HADH: variants seen among roughly 807,000 people sequenced by gnomAD.
The protein encoded by HADH is hydroxyacyl-coenzyme A dehydrogenase, mitochondrial.
HADH carries 24 observed loss-of-function variants against 32.2 expected under a neutral mutation model. The ratio of observed to expected loss-of-function variants is 0.75; its 90% CI spans 0.54 to 1.05. The LOEUF (loss-of-function observed/expected upper bound fraction) is 1.05, where lower values mean the gene tolerates loss of function less well. Among genes scored for constraint, HADH ranks in the 50% least tolerant of loss-of-function variants. The probability of loss-of-function intolerance (pLI) is 0.00; values close to 1 mark genes in which losing one functional copy is unlikely to be tolerated. For missense variants in HADH, 350 were observed against 397.1 expected, an observed-to-expected ratio of 0.88 and a Z score of 1.01; for synonymous variants, 139 against 152.5, an observed-to-expected ratio of 0.91 and a Z score of 0.65.
chr4:108,004,818 T>C, intron 1 of HADH: 1 of 1,535,906 alleles, frequency 6.5e-7, no homozygotes, highest in Non-Finnish European at 8.7e-7. Context: ...AAGACCTGGG[T>C]GTCTGCTGGA....
At chr4:108,003,313 C>T (rs956118823) in intron 1 of HADH, among the ~76,000 whole-genome samples, 2 of 152,088 alleles carry the variant, frequency 1.3e-5, no homozygotes, top group Non-Finnish European at 2.9e-5. Flanking sequence ...GAAAGCTAGA[C>T]GAACTTTCTC....
At chr4:108,001,099 T>G (rs1735108172) in intron 1 of HADH, among the ~76,000 whole-genome samples, 1 of 152,216 alleles carries the variant, frequency 6.6e-6, no homozygotes, top group African/African-American at 2.4e-5. Context: ...GGAAAAAGGC[T>G]TCATGGAGAG....
intron 1 of HADH, among the ~76,000 whole-genome samples, chr4:108,000,907 G>A (rs911647338): frequency 4.6e-5 from 7 of 152,176 alleles, no homozygotes; most frequent in South Asian, 2.1e-4. Context: ...TCATATTCAA[G>A]GCATGTGATA....
At chr4:108,009,650 T>C in intron 1 of HADH, 109 bp from the exon 2 acceptor site, 1 of 854,640 alleles carries the variant, frequency 1.2e-6, no homozygotes, top group Non-Finnish European at 2.0e-6. Context: ...GGAATGGTAG[T>C]AGAATTCATG....
chr4:108,023,546 C>T lies in HADH; in HGVS notation c.619C>T (p.His207Tyr). The T allele has an allele frequency of 6.2e-7, 1 of 1,601,432 alleles. No individual in the cohort carries two copies. The highest frequency in any genetic ancestry group is 8.6e-7 in the Non-Finnish European group (1 of 1,168,394). Residue 207 changes from histidine (H) to tyrosine (Y), a missense_variant, in exon 5 of 8, where the codon CAT becomes TAT. Coordinates refer to ENST00000309522, the MANE Select transcript of HADH (RefSeq NM_005327.7). ...LVDFSKALGKHPVSCKDTPGF... is the reference protein window; with the variant it reads ...LVDFSKALGKYPVSCKDTPGF... ...AGACTTTAGCAAAGCCCTAGGAAAGCATCCTGTTTCTTGCAAGGTAAGAGT... is the reference window on the plus strand; with the variant it reads ...AGACTTTAGCAAAGCCCTAGGAAAGTATCCTGTTTCTTGCAAGGTAAGAGT...
intron 4 of HADH, among the ~76,000 whole-genome samples, chr4:108,023,171 T>C (rs1326728988): frequency 1.3e-5 from 2 of 152,116 alleles, no homozygotes; most frequent in African/African-American, 4.8e-5. Context: ...TTTTTGTATT[T>C]TTAGTAGAGA....
chr4:108,020,186 C>T (rs961393203), intron 4 of HADH, among the ~76,000 whole-genome samples: 1 of 152,132 alleles, frequency 6.6e-6, no homozygotes, highest in African/African-American at 2.4e-5. Flanking sequence ...AAAACCAGCT[C>T]CCATTGGGTG....
intron 5 of HADH, 54 bp downstream of exon 5, chr4:108,023,617 A>G: frequency 1.0e-6 from 1 of 986,738 alleles, no homozygotes; most frequent in Non-Finnish European, 1.6e-6. Flanking sequence ...TTGGACCCTG[A>G]CTTGTTCCTG....
At position 108,023,580 on chromosome 4, in the gene HADH, C is replaced by T; in HGVS notation, c.636+17C>T. 1 of 1,391,120 alleles carries T rather than the reference C, an allele frequency of 7.2e-7. No individual in the cohort carries two copies. The highest frequency in any genetic ancestry group is 1.0e-6 in the Non-Finnish European group (1 of 975,890). 86.2% of individuals were successfully genotyped at this position (1,391,120 alleles called of 1,614,324 possible). A position where few individuals can be genotyped will look rare whatever the true frequency, so the allele number is the denominator to read the frequency against. ...TCTTGCAAGGTAAGAGTATGGGTAG[C>T]TTGGGAAGGAGGTAGTTCTTTTCTT... On this transcript the variant is annotated intron_variant, in intron 5 of 7. Coordinates refer to ENST00000309522, the MANE Select transcript of HADH (RefSeq NM_005327.7).
intron 5 of HADH, 64 bp from the exon 6 acceptor site, chr4:108,027,624 C>A: frequency 1.9e-6 from 2 of 1,033,022 alleles, no homozygotes; most frequent in Non-Finnish European, 3.1e-6. Flanking sequence ...AATTTGGTGA[C>A]TTCACAAAAG....
intron 1 of HADH, among the ~76,000 whole-genome samples, chr4:108,006,676 C>T (rs779003753): frequency 6.6e-5 from 10 of 152,158 alleles, no homozygotes; most frequent in Non-Finnish European, 1.3e-4. Flanking sequence ...GTGATTGTTG[C>T]TGCTGGTCAA....
In HADH at chr4:108,023,513, TC is replaced by T. The variant is rs745727504; in HGVS notation, c.587del (p.Ser196PhefsTer3). 1 of 1,612,770 alleles carries T rather than the reference TC, an allele frequency of 6.2e-7. No individual in the cohort carries two copies. Among genetic ancestry groups the T allele is most frequent in the Admixed American group, 1.7e-5 (1 of 60,032 alleles). ...TPMTSQKTFE[S>X]LVDFSKALGK... ...AATGACCAGCCAGAAGACATTTGAATCTTTGGTAGACTTTAGCAAAGCCCTA... is the reference window on the plus strand; with the variant it reads ...AATGACCAGCCAGAAGACATTTGAATTTTGGTAGACTTTAGCAAAGCCCTA... On this transcript the variant is annotated frameshift_variant, in exon 5 of 8. Coordinates refer to ENST00000309522, the MANE Select transcript of HADH (RefSeq NM_005327.7). LOFTEE classifies it high-confidence loss of function.
intron 4 of HADH, 116 bp downstream of exon 4, chr4:108,019,782 T>C (rs1013314403): frequency 1.7e-6 from 2 of 1,168,534 alleles, no homozygotes; most frequent in Admixed American, 3.4e-5. Context: ...AACCTGAGGG[T>C]AGAAGGTTGT....
intron 2 of HADH, among the ~76,000 whole-genome samples, chr4:108,010,467 T>TA (rs2126226815): frequency 6.6e-6 from 1 of 152,260 alleles, no homozygotes; most frequent in South Asian, 2.1e-4. Flanking sequence ...TAATTAGAAA[T>TA]ACAGCACAAA....
At chr4:108,022,391 C>T (rs1735923970) in intron 4 of HADH, among the ~76,000 whole-genome samples, 1 of 152,114 alleles carries the variant, frequency 6.6e-6, no homozygotes, top group Non-Finnish European at 1.5e-5. Context: ...CTACAGATGC[C>T]AGTAGGGCAG....
At chr4:108,031,063 G>C (rs1278922305) in intron 6 of HADH, 1 of 152,234 alleles carries the variant, frequency 6.6e-6, no homozygotes, top group Non-Finnish European at 1.5e-5. Context: ...CTTGAATATA[G>C]ATTTCATTAA....
At chr4:108,027,612 G>A (rs1736108865) in intron 5 of HADH, 76 bp from the exon 6 acceptor site, 1 of 908,368 alleles carries the variant, frequency 1.1e-6, no homozygotes, top group Admixed American at 1.7e-5. Flanking sequence ...GTAAGAAGGG[G>A]CAATTTGGTG....
At chr4:108,009,016 C>G (rs1934810908) in intron 1 of HADH, among the ~76,000 whole-genome samples, 4 of 152,148 alleles carry the variant, frequency 2.6e-5, no homozygotes, top group Admixed American at 2.6e-4. Flanking sequence ...TTCCCCTTAC[C>G]CTAGGATTCC....
Position 108,032,898 on chromosome 4 carries a change from C to T in HADH, c.710-278C>T, listed in dbSNP as rs1475152875. On this transcript the variant is annotated intron_variant, in intron 6 of 7. Transcript: ENST00000309522. Reference sequence around the variant, plus strand: ...TAGGGAGGCTGAGGCAGGAGAATCACTTGAACCCAGGAGGCGGAGGTTGCA... The same window carrying T: ...TAGGGAGGCTGAGGCAGGAGAATCATTTGAACCCAGGAGGCGGAGGTTGCA... 1.2e-5 allele frequency: 5 copies of T among 424,656 alleles called. No individual in the cohort carries two copies. In the Admixed American group the frequency reaches 1.7e-4, roughly 15 times the overall value. The allele number at this position is 424,656 out of a possible 1,614,324, so 26.3% of individuals were successfully genotyped here.
Sources: gnomAD v4.1 joint callset for allele counts (sites outside exome capture counted in the v4.1 genomes callset) on GRCh38, gnomAD v4.1.1 for gene constraint, MANE v1.5 for transcripts, NCBI Gene and HGNC (gene_info 2026-07-23, HGNC 2026-07-21) for gene names.